POTEJ: variants seen among roughly 807,000 people sequenced by gnomAD.
POTEJ encodes the protein POTE ankyrin domain family member J, also known as POTE ankyrin domain family, member J.
A neutral mutation model predicts 69.0 loss-of-function variants in POTEJ; 11 were observed. The observed-to-expected ratio is 0.16, with a 90% CI of 0.10 to 0.26. The LOEUF (loss-of-function observed/expected upper bound fraction) is 0.26, where lower values mean the gene tolerates loss of function less well. Ranked by LOEUF, POTEJ falls within the 10% of genes least tolerant of loss-of-function variation. The probability of loss-of-function intolerance (pLI) is 1.00; values close to 1 mark genes in which losing one functional copy is unlikely to be tolerated. For missense variants in POTEJ, 327 were observed against 1,045.5 expected (o/e 0.31, Z 9.48); for synonymous variants, 117 against 381.1 (o/e 0.31, Z 8.07).
chr2:130,640,841 TG>T (rs1221838853), intron 10 of POTEJ, among the ~76,000 whole-genome samples: 21 of 152,182 alleles, frequency 1.4e-4, no homozygotes, highest in African/African-American at 4.1e-4. Flanking sequence ...AATAGACTTA[TG>T]TTTTTTCTGC....
Position 130,613,680 on chromosome 2 carries a change from C to T in POTEJ, c.410+1738C>T, listed in dbSNP as rs994744610. On this transcript the variant is annotated intron_variant, in intron 1 of 14. Coordinates refer to ENST00000409602, the MANE Select transcript of POTEJ (RefSeq NM_001277083.2). ...CCTCCCCAAGTGCTGGGGTTACAGG[C>T]GTGAGCCACCGTGCCTGGTGTATAT... Among the ~76,000 whole-genome samples the T allele has an allele frequency of 3.6e-5, 5 of 137,426 alleles. 1 individual carries two copies. The highest frequency in any genetic ancestry group is 9.2e-5 in the African/African-American group (3 of 32,496). The allele number at this position is 137,426 out of a possible 152,430, so 90.2% of individuals were successfully genotyped here.
chr2:130,643,505 G>A (rs1291475401), intron 10 of POTEJ, among the ~76,000 whole-genome samples: 1 of 136,072 alleles, frequency 7.3e-6, no homozygotes, highest in African/African-American at 2.8e-5. Context: ...GACAGAGGAA[G>A]ACCCTGACTC....
intron 1 of POTEJ, among the ~76,000 whole-genome samples, chr2:130,614,575 C>T (rs1422302427): frequency 1.3e-5 from 2 of 148,364 alleles, no homozygotes; most frequent in Non-Finnish European, 3.0e-5. Context: ...CACATATACA[C>T]GAACAGAATC....
intron 8 of POTEJ, among the ~76,000 whole-genome samples, chr2:130,632,040 A>C (rs62164931): frequency 1.6e-5 from 2 of 127,532 alleles, no homozygotes; most frequent in Admixed American, 7.9e-5. Flanking sequence ...CTTCCTTTCT[A>C]TTCCTGAAGC....
intron 13 of POTEJ, among the ~76,000 whole-genome samples, chr2:130,649,749 C>A (rs1486023728): frequency 8.6e-5 from 12 of 139,282 alleles, no homozygotes; most frequent in African/African-American, 3.3e-4. Flanking sequence ...CCACACTGAA[C>A]TTGTTGTTAT....
intron 1 of POTEJ, among the ~76,000 whole-genome samples, chr2:130,615,446 C>G (rs374958222): frequency 3.8e-5 from 5 of 130,384 alleles, no homozygotes; most frequent in East Asian, 2.0e-4. Context: ...GAGAGCATGT[C>G]CTTTGCAGGG....
chr2:130,626,579 A>G (rs1685714169), intron 6 of POTEJ, among the ~76,000 whole-genome samples: 1 of 152,076 alleles, frequency 6.6e-6, no homozygotes, highest in Admixed American at 6.5e-5. Context: ...CTGAGCTCCT[A>G]TAAAACTTTA....
intron 11 of POTEJ, among the ~76,000 whole-genome samples, chr2:130,644,739 TAAAG>T (rs1187277026): frequency 2.9e-5 from 4 of 139,006 alleles, no homozygotes; most frequent in Admixed American, 1.5e-4. Context: ...CCTAACATGA[TAAAG>T]AAAGTAACAT....
chr2:130,647,940 T>A (rs1438379561), intron 13 of POTEJ, among the ~76,000 whole-genome samples: 3 of 146,050 alleles, frequency 2.1e-5, no homozygotes, highest in African/African-American at 5.1e-5. Context: ...CTCACCGTAT[T>A]TTTCCAGTGA....
intron 1 of POTEJ, among the ~76,000 whole-genome samples, chr2:130,613,315 TATATATAC>T (rs1685298690): frequency 2.2e-5 from 2 of 91,236 alleles, no homozygotes; most frequent in African/African-American, 6.1e-5. Flanking sequence ...TATATATACA[TATATATAC>T]ATATGTATAT....
intron 6 of POTEJ, among the ~76,000 whole-genome samples, chr2:130,627,437 C>T (rs1307840639): frequency 7.1e-6 from 1 of 141,058 alleles, no homozygotes; most frequent in Non-Finnish European, 1.5e-5. Context: ...GAATGATACT[C>T]TCCATGACCT....
At chr2:130,625,595 G>T (rs1243221664) in intron 6 of POTEJ, among the ~76,000 whole-genome samples, 1 of 150,436 alleles carries the variant, frequency 6.6e-6, no homozygotes, top group African/African-American at 2.5e-5. Flanking sequence ...AGAATGTTTG[G>T]CAGAAGGAAC....
chr2:130,625,803 A>G (rs139996363), intron 6 of POTEJ, among the ~76,000 whole-genome samples: 11,734 of 136,306 alleles, frequency 0.086, 1,190 homozygotes, highest in East Asian at 0.23. Context: ...CAAGTTTATG[A>G]TATACTTTTT....
intron 1 of POTEJ, among the ~76,000 whole-genome samples, chr2:130,613,370 ATG>A (rs71212139): frequency 0.011 from 1,274 of 119,732 alleles, no homozygotes; most frequent in Non-Finnish European, 0.016. Context: ...ATACATATAT[ATG>A]TGTGTGTGTG....
intron 5 of POTEJ, among the ~76,000 whole-genome samples, chr2:130,623,863 G>C (rs1685611367): frequency 7.9e-6 from 1 of 127,122 alleles, no homozygotes; most frequent in African/African-American, 3.5e-5. Context: ...TGATTTATGA[G>C]TATTTCACCT....
chr2:130,637,090 A>AC (rs1553479040), intron 9 of POTEJ, among the ~76,000 whole-genome samples: 1 of 140,666 alleles, frequency 7.1e-6, no homozygotes, highest in African/African-American at 2.7e-5. Context: ...AAAAAAAAAA[A>AC]AAAACAAGTT....
intron 13 of POTEJ, among the ~76,000 whole-genome samples, chr2:130,648,280 A>C (rs1254307359): frequency 6.8e-6 from 1 of 146,588 alleles, no homozygotes; most frequent in Admixed American, 6.8e-5. Flanking sequence ...AGAATATATA[A>C]TTGTTACATA....
At chr2:130,617,847 C>T (rs1362078995) in intron 3 of POTEJ, among the ~76,000 whole-genome samples, 2 of 152,310 alleles carry the variant, frequency 1.3e-5, no homozygotes, top group Non-Finnish European at 2.9e-5. Flanking sequence ...TGATTTGTTC[C>T]CTTTGTATGG....
intron 1 of POTEJ, among the ~76,000 whole-genome samples, chr2:130,614,092 G>A (rs1445394002): frequency 7.7e-6 from 1 of 130,652 alleles, no homozygotes; most frequent in Non-Finnish European, 1.6e-5. Flanking sequence ...GGGAGGTGGA[G>A]GTTGCAGTGA....
Sources: allele counts gnomAD v4.1 joint callset (sites outside exome capture counted in the v4.1 genomes callset), GRCh38; gene constraint gnomAD v4.1.1; transcripts MANE v1.5; gene names NCBI Gene and HGNC (gene_info 2026-07-23, HGNC 2026-07-21).